JAKMIP1: variants seen among roughly 807,000 people sequenced by gnomAD.
JAKMIP1 encodes janus kinase and microtubule-interacting protein 1.
Under a neutral mutation model 113.0 loss-of-function variants are expected in JAKMIP1, and 33 were observed. The observed-to-expected ratio is 0.29, with a 90% CI of 0.22 to 0.39. The LOEUF (loss-of-function observed/expected upper bound fraction) is 0.39. JAKMIP1 is among the 10% of genes least tolerant of loss of function. JAKMIP1 has a pLI of 1.00. For missense variants in JAKMIP1, 813 were observed against 1,080.5 expected (o/e 0.75, Z 3.47); for synonymous variants, 480 against 459.9 (o/e 1.04, Z -0.56).
At position 6,154,356 on chromosome 4, in the gene JAKMIP1, A is replaced by G. The variant is rs4522943; in HGVS notation, c.-147-41359T>C. On this transcript the variant is annotated intron_variant, in intron 1 of 20. Transcript: ENST00000409021. This position sits in a 1 kb window ranked among gnomAD's most constrained non-coding sequence, Gnocchi z 4.2. Reference sequence around the variant, plus strand: ...AAACCCCCTAGGATGTTAAATCTGCATGCCCAGAAAGGATTTACCACAAAG... The same window carrying G: ...AAACCCCCTAGGATGTTAAATCTGCGTGCCCAGAAAGGATTTACCACAAAG... 0.13 allele frequency among the ~76,000 whole-genome samples: 19,148 copies of G among 152,194 alleles called. 1,388 individuals are homozygous for G. The highest frequency in any genetic ancestry group is 0.18 in the Middle Eastern group (52 of 294).
At chr4:6,091,190 CCTT>C (rs894120139) in intron 3 of JAKMIP1, among the ~76,000 whole-genome samples, 29 of 152,170 alleles carry the variant, frequency 1.9e-4, no homozygotes, top group African/African-American at 6.5e-4. Flanking sequence ...TTTTTTCACT[CCTT>C]CTCCTAAGTG....
rs879062012 is a variant in JAKMIP1, at chr4:6,138,681, G to A, written c.-147-25684C>T. 6.6e-6 allele frequency among the ~76,000 whole-genome samples: 1 copy of A among 152,094 alleles called. No individual in the cohort carries two copies. Among genetic ancestry groups the A allele is most frequent in the Non-Finnish European group, 1.5e-5 (1 of 68,030 alleles). Reference sequence around the variant, plus strand: ...GCAGAACTTCACGTTCTAGAACCACGGAATGGCCGTGCAGTGGCGTGTTCT... The same window carrying A: ...GCAGAACTTCACGTTCTAGAACCACAGAATGGCCGTGCAGTGGCGTGTTCT... On this transcript the variant is annotated intron_variant, in intron 1 of 20. Coordinates refer to ENST00000409021, the MANE Select transcript of JAKMIP1 (RefSeq NM_001099433.2). The surrounding 1 kb of genome is among the most constrained non-coding windows in gnomAD (Gnocchi z 6.0).
Position 6,150,298 on chromosome 4 carries a change from C to G in JAKMIP1, c.-147-37301G>C, listed in dbSNP as rs935275981. The stretch of plus-strand genomic sequence containing the variant: ...AGGTGCCAGCTTCCCTCCCACCCAA[C>G]CTCCCAGTACAGAGAAGGAGAAACA... On this transcript the variant is annotated intron_variant, in intron 1 of 20. Coordinates refer to ENST00000409021, the MANE Select transcript of JAKMIP1 (RefSeq NM_001099433.2). This position sits in a 1 kb window ranked among gnomAD's most constrained non-coding sequence, Gnocchi z 4.8. The G allele has an allele frequency of 7.2e-5, 11 of 152,228 alleles. No homozygotes were observed. The highest frequency in any genetic ancestry group is 2.7e-4 in the African/African-American group (11 of 41,422). 9.4% of individuals were successfully genotyped at this position (152,228 alleles called of 1,614,324 possible).
Position 6,040,068 on chromosome 4 carries a change from G to A in JAKMIP1, c.2175+571C>T, listed in dbSNP as rs554514521. On this transcript the variant is annotated intron_variant, in intron 18 of 20. Coordinates refer to ENST00000409021, the MANE Select transcript of JAKMIP1 (RefSeq NM_001099433.2). This position sits in a 1 kb window ranked among gnomAD's most constrained non-coding sequence, Gnocchi z 5.8. ...ATCTTACTCAACTCCCCTCCACCCCGAAGGAGAATTTCTCTCGTGCCAGGA... is the reference window on the plus strand; with the variant it reads ...ATCTTACTCAACTCCCCTCCACCCCAAAGGAGAATTTCTCTCGTGCCAGGA... Among the ~76,000 whole-genome samples the A allele has an allele frequency of 1.7e-3, 257 of 152,292 alleles. 2 individuals are homozygous for A. Among genetic ancestry groups the A allele is most frequent in the Middle Eastern group, 6.8e-3 (2 of 294 alleles).
At position 6,042,349 on chromosome 4, in the gene JAKMIP1, G is replaced by C; in HGVS notation, c.2029-122C>G. ...TTCCTCAGAGTGTGCTCAGGAATGG[G>C]TCAGGTCATGGCACACACATGCCTG... On this transcript the variant is annotated intron_variant, in intron 16 of 20. Transcript: ENST00000409021. This position sits in a 1 kb window ranked among gnomAD's most constrained non-coding sequence, Gnocchi z 5.2. 1.3e-6 allele frequency: 1 copy of C among 770,392 alleles called. No homozygotes were observed. The highest frequency in any genetic ancestry group is 2.2e-6 in the Non-Finnish European group (1 of 446,008). 47.7% of individuals were successfully genotyped at this position (770,392 alleles called of 1,614,324 possible). A position where few individuals can be genotyped will look rare whatever the true frequency, so the allele number is the denominator to read the frequency against.
chr4:6,039,161 G>T (rs959872252), intron 18 of JAKMIP1, among the ~76,000 whole-genome samples: 2 of 152,166 alleles, frequency 1.3e-5, no homozygotes, highest in East Asian at 3.9e-4. Flanking sequence ...GCATGCAGGG[G>T]CCTCTTCTGC....
Position 6,080,629 on chromosome 4 carries a change from C to A in JAKMIP1, c.1102-317G>T, listed in dbSNP as rs1391388214. Among the ~76,000 whole-genome samples, 4 of 152,184 alleles carry A rather than the reference C, an allele frequency of 2.6e-5. No homozygotes were observed. Among genetic ancestry groups the A allele is most frequent in the Non-Finnish European group, 5.9e-5 (4 of 68,034 alleles). ...GGGTTTTCCCCTTTTACTTGGCTCTCAGTCTGTCTTGTCTGCCGCCAAGTA... is the reference window on the plus strand; with the variant it reads ...GGGTTTTCCCCTTTTACTTGGCTCTAAGTCTGTCTTGTCTGCCGCCAAGTA... On this transcript the variant is annotated intron_variant, in intron 6 of 20. Transcript: ENST00000409021. This position sits in a 1 kb window ranked among gnomAD's most constrained non-coding sequence, Gnocchi z 6.0.
At position 6,061,231 on chromosome 4, in the gene JAKMIP1, C is replaced by T. The variant is rs1158849829; in HGVS notation, c.1561-724G>A. Among the ~76,000 whole-genome samples, 17 of 152,182 alleles carry T rather than the reference C, an allele frequency of 1.1e-4. No homozygotes were observed. The highest frequency in any genetic ancestry group is 1.0e-3 in the Admixed American group (16 of 15,288). On this transcript the variant is annotated intron_variant, in intron 10 of 20. Transcript: ENST00000409021. The surrounding 1 kb of genome is among the most constrained non-coding windows in gnomAD (Gnocchi z 5.3). ...TGGCAAGTAGATGAAATTTAAAAAG[C>T]GAAACAAAAATTATTCAGCCCACAC...
In JAKMIP1 at chr4:6,136,033, G is replaced by C. The variant is rs962113147; in HGVS notation, c.-147-23036C>G. Among the ~76,000 whole-genome samples the C allele has an allele frequency of 8.5e-5, 13 of 152,150 alleles. No individual in the cohort carries two copies. Among genetic ancestry groups the C allele is most frequent in the African/African-American group, 3.1e-4 (13 of 41,422 alleles). On this transcript the variant is annotated intron_variant, in intron 1 of 20. Coordinates refer to ENST00000409021, the MANE Select transcript of JAKMIP1 (RefSeq NM_001099433.2). The surrounding 1 kb of genome is among the most constrained non-coding windows in gnomAD (Gnocchi z 5.9). ...GGCCAAGGTGGGTGGATCACTTGAG[G>C]TCAGGAGTTCAAGATCAGCCTGGCG...
At chr4:6,122,617 T>A (rs1716867540) in intron 1 of JAKMIP1, among the ~76,000 whole-genome samples, 1 of 152,218 alleles carries the variant, frequency 6.6e-6, no homozygotes, top group African/African-American at 2.4e-5. Flanking sequence ...GCTGCTGACC[T>A]GAATTCAAGT....
At chr4:6,034,128 G>T (rs983915268) in intron 19 of JAKMIP1, among the ~76,000 whole-genome samples, 2 of 96,260 alleles carry the variant, frequency 2.1e-5, no homozygotes, top group East Asian at 3.9e-4. Flanking sequence ...CCAGGGTGGT[G>T]GTTTCTCTGT....
Position 6,140,825 on chromosome 4 carries a change from G to A in JAKMIP1, c.-147-27828C>T, listed in dbSNP as rs1720034548. ...GGCAATTGTAATAAAGAAAATTACT[G>A]ACCTCAGGTCAGCCACAGGCACTGG... On this transcript the variant is annotated intron_variant, in intron 1 of 20. Transcript: ENST00000409021. The surrounding 1 kb of genome is among the most constrained non-coding windows in gnomAD (Gnocchi z 9.4). Among the ~76,000 whole-genome samples, 1 of 152,158 alleles carries A rather than the reference G, an allele frequency of 6.6e-6. No individual in the cohort carries two copies. Among genetic ancestry groups the A allele is most frequent in the Admixed American group, 6.5e-5 (1 of 15,282 alleles).
In JAKMIP1 at chr4:6,168,423, G is replaced by T. The variant is rs866033691; in HGVS notation, c.-148+31830C>A. Reference sequence around the variant, plus strand: ...TCAGTTACAGATGGATAAACAAAATGTGGTCTATGATATTCCATAGAGCAG... The same window carrying T: ...TCAGTTACAGATGGATAAACAAAATTTGGTCTATGATATTCCATAGAGCAG... On this transcript the variant is annotated intron_variant, in intron 1 of 20. Coordinates refer to ENST00000409021, the MANE Select transcript of JAKMIP1 (RefSeq NM_001099433.2). This position sits in a 1 kb window ranked among gnomAD's most constrained non-coding sequence, Gnocchi z 4.6. Among the ~76,000 whole-genome samples, 1 of 152,194 alleles carries T rather than the reference G, an allele frequency of 6.6e-6. No homozygotes were observed. The highest frequency in any genetic ancestry group is 1.5e-5 in the Non-Finnish European group (1 of 68,040).
intron 8 of JAKMIP1, among the ~76,000 whole-genome samples, chr4:6,072,257 C>T (rs964084407): frequency 1.3e-5 from 2 of 152,222 alleles, no homozygotes; most frequent in African/African-American, 2.4e-5. Context: ...ATATTGAACC[C>T]CTCAAAATCA....
In JAKMIP1 at chr4:6,094,092, C is replaced by A. The variant is rs1046380016; in HGVS notation, c.625-8463G>T. 2.6e-5 allele frequency among the ~76,000 whole-genome samples: 4 copies of A among 152,086 alleles called. No individual in the cohort carries two copies. The highest frequency in any genetic ancestry group is 9.7e-5 in the African/African-American group (4 of 41,394). ...TAGCCATGGCCCCCCAGGACTCCCC[C>A]GAGAGGCTGGCCCAGCAGGCATCTA... On this transcript the variant is annotated intron_variant, in intron 3 of 20. Transcript: ENST00000409021. This position sits in a 1 kb window ranked among gnomAD's most constrained non-coding sequence, Gnocchi z 4.2.
Position 6,158,138 on chromosome 4 carries a change from C to T in JAKMIP1, c.-148+42115G>A, listed in dbSNP as rs115766687. 5.8e-3 allele frequency among the ~76,000 whole-genome samples: 888 copies of T among 152,334 alleles called. 12 individuals are homozygous for T. The highest frequency in any genetic ancestry group is 0.02 in the African/African-American group (851 of 41,580). On this transcript the variant is annotated intron_variant, in intron 1 of 20. Coordinates refer to ENST00000409021, the MANE Select transcript of JAKMIP1 (RefSeq NM_001099433.2). This position sits in a 1 kb window ranked among gnomAD's most constrained non-coding sequence, Gnocchi z 5.3. ...CTCTACCTCCTCTCCTGACCTGGAA[C>T]GCAAGGATGGGGAGAACGGATCGCC...
Position 6,200,385 on chromosome 4 carries a change from G to T in JAKMIP1, c.-280C>A. 1 of 152,950 alleles carries T rather than the reference G, an allele frequency of 6.5e-6. No individual in the cohort carries two copies. The highest frequency in any genetic ancestry group is 1.8e-4 in the South Asian group (1 of 5,532). 9.5% of individuals were successfully genotyped at this position (152,950 alleles called of 1,614,324 possible). A position where few individuals can be genotyped will look rare whatever the true frequency, so the allele number is the denominator to read the frequency against. ...TCGCCGCCGCCACCGCCTTAAAAAG[G>T]ACAAAACGGAACAGAAAATGAATGC... On this transcript the variant is annotated 5_prime_UTR_variant, in exon 1 of 21. Transcript: ENST00000409021. This position sits in a 1 kb window ranked among gnomAD's most constrained non-coding sequence, Gnocchi z 7.0.
rs185621469 is a variant in JAKMIP1, at chr4:6,046,329, A to G, written c.2028+2528T>C. ...CAACACCCAAGCTTACTGGACCTTTATCCACAGACAAATGGCAGGGCCAGT... is the reference window on the plus strand; with the variant it reads ...CAACACCCAAGCTTACTGGACCTTTGTCCACAGACAAATGGCAGGGCCAGT... On this transcript the variant is annotated intron_variant, in intron 16 of 20. Coordinates refer to ENST00000409021, the MANE Select transcript of JAKMIP1 (RefSeq NM_001099433.2). 4.7e-4 allele frequency among the ~76,000 whole-genome samples: 72 copies of G among 152,344 alleles called. 1 individual carries two copies. Among genetic ancestry groups the G allele is most frequent in the African/African-American group, 1.6e-3 (66 of 41,574 alleles).
At position 6,168,421 on chromosome 4, in the gene JAKMIP1, A is replaced by G. The variant is rs1469203249; in HGVS notation, c.-148+31832T>C. 6.6e-6 allele frequency among the ~76,000 whole-genome samples: 1 copy of G among 152,332 alleles called. No individual in the cohort carries two copies. Among genetic ancestry groups the G allele is most frequent in the South Asian group, 2.1e-4 (1 of 4,828 alleles). On this transcript the variant is annotated intron_variant, in intron 1 of 20. Transcript: ENST00000409021. The surrounding 1 kb of genome is among the most constrained non-coding windows in gnomAD (Gnocchi z 4.6). ...CATCAGTTACAGATGGATAAACAAAATGTGGTCTATGATATTCCATAGAGC... is the reference window on the plus strand; with the variant it reads ...CATCAGTTACAGATGGATAAACAAAGTGTGGTCTATGATATTCCATAGAGC...
Sources: gnomAD v4.1 joint callset for allele counts (sites outside exome capture counted in the v4.1 genomes callset) on GRCh38, gnomAD v4.1.1 for gene constraint, Gnocchi (gnomAD v3.1) non-coding constraint, MANE v1.5 for transcripts, NCBI Gene and HGNC (gene_info 2026-07-23, HGNC 2026-07-21) for gene names.